The following PYHIN1 variants were observed in gnomAD, a reference collection of about 807,000 sequenced individuals.
PYHIN1 encodes the protein pyrin and HIN domain family member 1.
A neutral mutation model predicts 43.7 loss-of-function variants in PYHIN1; 32 were observed. That is an observed-to-expected ratio of 0.73 (90% CI 0.55 to 0.98). The LOEUF (loss-of-function observed/expected upper bound fraction) is 0.98, where lower values mean the gene tolerates loss of function less well. PYHIN1 is among the 50% of genes least tolerant of loss of function. The pLI, the probability that PYHIN1 is intolerant of heterozygous loss-of-function variation, is 0.00. For missense variants in PYHIN1, 588 were observed against 589.5 expected (o/e 1.00, Z 0.03); for synonymous variants, 205 against 203.1 (o/e 1.01, Z -0.08).
chr1:158,932,145 C>G (rs1648201981), intron 1 of PYHIN1, among the ~76,000 whole-genome samples: 1 of 152,076 alleles, frequency 6.6e-6, no homozygotes, highest in Non-Finnish European at 1.5e-5. Context: ...GCATAGTATT[C>G]CACGCTGTAT....
chr1:158,990,203 T>C, the PYHIN1 span, among the ~76,000 whole-genome samples: 3 of 152,106 alleles, frequency 2.0e-5, no homozygotes, highest in Non-Finnish European at 4.4e-5. Context: ...ACTTGAGCAG[T>C]TCTAGGCTGA....
intron 2 of PYHIN1, 114 bp downstream of exon 2, chr1:158,937,289 C>G: frequency 8.6e-7 from 1 of 1,157,202 alleles, no homozygotes; most frequent in Non-Finnish European, 1.2e-6. Flanking sequence ...TTGTGACTCA[C>G]TGGCCATGGC....
intron 7 of PYHIN1, among the ~76,000 whole-genome samples, chr1:158,970,832 C>T (rs1180195744): frequency 2.4e-4 from 37 of 151,966 alleles, no homozygotes; most frequent in Admixed American, 2.4e-3. Context: ...AAATGTATAG[C>T]ATATATTCTT....
rs1383254422 is a variant in PYHIN1 at position 158,942,377 on chromosome 1, A to G, written c.980A>G (p.Tyr327Cys). 6.2e-7 allele frequency: 1 copy of G among 1,603,212 alleles called. No individual in the cohort carries two copies. Among genetic ancestry groups the G allele is most frequent in the South Asian group, 1.1e-5 (1 of 88,656 alleles). The change falls in exon 5 of 9, where the codon TAT (tyrosine) becomes TGT (cysteine). Residue 327 changes from tyrosine (Y) to cysteine (C), a missense_variant. Physicochemically the swap from Tyr to Cys is radical, Grantham distance 194 (BLOSUM62 -2). Transcript: ENST00000368140. The part of the protein sequence containing the change: ...LHKQTSGYIV[Y>C]GLFMLHTKIV... ...AAACAAACTTCAGGATATATTGTAT[A>G]TGGATTATTTATGCTACATACGGTA...
chr1:158,942,219 T>G lies in PYHIN1; in HGVS notation c.822T>G (p.Tyr274Ter). Residue 274 changes from tyrosine (Y) to a stop codon, truncating the protein, a stop_gained, in exon 5 of 9, where the codon TAT (tyrosine) becomes TAG (stop). Coordinates refer to ENST00000368140, the MANE Select transcript of PYHIN1 (RefSeq NM_152501.5). LOFTEE classifies it high-confidence loss of function. ...IKKRIIIISNYSKRNSLLEVN... is the reference protein window; with the variant it reads ...IKKRIIIISN ...AGAGAATCATCATTATATCAAATTA[T>G]TCCAAACGTAATAGTCTCCTAGAGG... The G allele has an allele frequency of 6.2e-7, 1 of 1,614,040 alleles. No individual in the cohort carries two copies. Among genetic ancestry groups the G allele is most frequent in the African/African-American group, 1.3e-5 (1 of 75,026 alleles).
rs573183986 is a variant in PYHIN1 at position 158,948,521 on chromosome 1, A to G, written c.1359+3479A>G. 1.4e-3 allele frequency among the ~76,000 whole-genome samples: 209 copies of G among 152,260 alleles called. 2 individuals are homozygous for G. The highest frequency in any genetic ancestry group is 4.5e-3 in the African/African-American group (186 of 41,530). On this transcript the variant is annotated intron_variant, in intron 7 of 8. Transcript: ENST00000368140. ...CCAGTGCGTCTTGTTGCTCCCCCAC[A>G]TATTCTAAGGCAGCCTCGAGGGATT...
intron 7 of PYHIN1, among the ~76,000 whole-genome samples, chr1:158,954,625 G>T (rs1102005): frequency 5.1e-4 from 76 of 148,598 alleles, no homozygotes; most frequent in South Asian, 8.7e-4. Flanking sequence ...AAGTAACAAC[G>T]GGTACCAGCC....
intron 7 of PYHIN1, among the ~76,000 whole-genome samples, chr1:158,970,539 C>A (rs1650876278): frequency 6.6e-6 from 1 of 151,956 alleles, no homozygotes; most frequent in African/African-American, 2.4e-5. Context: ...AATATCTGAT[C>A]TTATCAGTTT....
At chr1:158,955,223 A>G (rs1037874709) in intron 7 of PYHIN1, among the ~76,000 whole-genome samples, 4 of 152,186 alleles carry the variant, frequency 2.6e-5, no homozygotes, top group African/African-American at 4.8e-5. Flanking sequence ...GATACCCAGG[A>G]ATTGAACTCA....
rs1370404399 is a variant in PYHIN1 at position 158,976,723 on chromosome 1, A to G, written c.*28A>G. ...AAGGTCACCAAGGACAAGGATATCA[A>G]ATAACTACTGTTCAATCTTTACTCA... On this transcript the variant is annotated 3_prime_UTR_variant, in exon 9 of 9. Transcript: ENST00000368140. 6.2e-7 allele frequency: 1 copy of G among 1,603,970 alleles called. No individual in the cohort carries two copies. The highest frequency in any genetic ancestry group is 8.5e-7 in the Non-Finnish European group (1 of 1,174,736).
chr1:158,936,527 C>G (rs1311748573), intron 1 of PYHIN1, among the ~76,000 whole-genome samples: 1 of 152,080 alleles, frequency 6.6e-6, no homozygotes, highest in African/African-American at 2.4e-5. Flanking sequence ...CCCTGGGATG[C>G]AAGGCTGGTT....
intron 7 of PYHIN1, among the ~76,000 whole-genome samples, chr1:158,958,498 T>C (rs1650105957): frequency 6.8e-6 from 1 of 146,414 alleles, no homozygotes; most frequent in African/African-American, 2.5e-5. Context: ...CAGTAAACTA[T>C]CGCAAGAACA....
At chr1:158,960,672 C>T (rs1037786897) in intron 7 of PYHIN1, among the ~76,000 whole-genome samples, 1 of 152,190 alleles carries the variant, frequency 6.6e-6, no homozygotes, top group Non-Finnish European at 1.5e-5. Context: ...GGACTTAAAA[C>T]AAGAAGCAGC....
chr1:158,953,261 G>GGCCT (rs1294010012), intron 7 of PYHIN1, among the ~76,000 whole-genome samples: 4 of 133,146 alleles, frequency 3.0e-5, no homozygotes, highest in African/African-American at 1.1e-4. Flanking sequence ...AGATCAAGGA[G>GGCCT]GCCTGCCTGC....
chr1:158,987,715 G>T, the PYHIN1 span, among the ~76,000 whole-genome samples: 1 of 151,996 alleles, frequency 6.6e-6, no homozygotes, highest in Non-Finnish European at 1.5e-5. Flanking sequence ...TTTTTCATAT[G>T]ATATGAAATA....
chr1:158,968,464 A>C (rs560788519), intron 7 of PYHIN1, among the ~76,000 whole-genome samples: 18 of 152,176 alleles, frequency 1.2e-4, no homozygotes, highest in African/African-American at 4.3e-4. Context: ...GTGAGCTTGC[A>C]GAGAAAAGGG....
intron 7 of PYHIN1, among the ~76,000 whole-genome samples, chr1:158,956,323 T>G (rs1191533557): frequency 6.6e-6 from 1 of 152,156 alleles, no homozygotes; most frequent in Non-Finnish European, 1.5e-5. Flanking sequence ...TAGACCAATA[T>G]CCTTGATGAA....
At chr1:158,945,445 T>C (rs1388484787) in intron 7 of PYHIN1, 1 of 154,194 alleles carries the variant, frequency 6.5e-6, no homozygotes, top group Non-Finnish European at 1.4e-5. Flanking sequence ...TCGAAGTATA[T>C]ATTTGGAAAC....
Position 158,939,093 on chromosome 1 carries a change from C to A in PYHIN1, c.425C>A (p.Pro142Gln). The change falls in exon 4 of 9, where the codon CCA becomes CAA. Residue 142 changes from proline to glutamine, a missense_variant. Coordinates refer to ENST00000368140, the MANE Select transcript of PYHIN1 (RefSeq NM_152501.5). ...ETLGPQKRKK[P>Q]SEEETGTKRS... is the part of the protein sequence containing the mutation. ...AACTACTTGTAGAAAAGAAAAAAAC[C>A]ATCTGAAGAAGAGACTGGAACCAAA... The A allele has an allele frequency of 6.3e-7, 1 of 1,580,464 alleles. No individual in the cohort carries two copies. Among genetic ancestry groups the A allele is most frequent in the Non-Finnish European group, 8.5e-7 (1 of 1,169,788 alleles).
Sources: allele counts gnomAD v4.1 joint callset (sites outside exome capture counted in the v4.1 genomes callset), GRCh38; gene constraint gnomAD v4.1.1; transcripts MANE v1.5; gene names NCBI Gene and HGNC (gene_info 2026-07-23, HGNC 2026-07-21).